The following SGCZ variants were observed in gnomAD, a reference collection of about 807,000 sequenced individuals.
SGCZ encodes the protein sarcoglycan zeta.
Under a neutral mutation model 41.3 loss-of-function variants are expected in SGCZ, and 40 were observed. That is an observed-to-expected ratio of 0.97 (90% CI 0.75 to 1.26). SGCZ has a LOEUF of 1.26. Among genes scored for constraint, SGCZ ranks in the 50% most tolerant of loss-of-function variants. The pLI is 0.00. For missense variants in SGCZ, 552 were observed against 369.8 expected (o/e 1.49, Z -4.04); for synonymous variants, 206 against 137.5 (o/e 1.50, Z -3.49).
chr8:14,491,949 G>T (rs1464424901), intron 2 of SGCZ, among the ~76,000 whole-genome samples: 1 of 146,078 alleles, frequency 6.8e-6, no homozygotes, highest in Non-Finnish European at 1.6e-5. Context: ...TAGTTACTCA[G>T]AAATTGTTCA....
At chr8:14,321,642 C>A (rs1441866989) in intron 3 of SGCZ, among the ~76,000 whole-genome samples, 1 of 152,026 alleles carries the variant, frequency 6.6e-6, no homozygotes, top group African/African-American at 2.4e-5. Flanking sequence ...ACATACACAA[C>A]CACACACAGA....
At chr8:14,281,980 T>C (rs112508093) in intron 3 of SGCZ, among the ~76,000 whole-genome samples, 11 of 152,274 alleles carry the variant, frequency 7.2e-5, no homozygotes, top group East Asian at 3.9e-4. Flanking sequence ...TTCTACAACA[T>C]TGATCTAACC....
At chr8:14,343,403 C>CTGT (rs1359872323) in intron 2 of SGCZ, among the ~76,000 whole-genome samples, 1 of 152,168 alleles carries the variant, frequency 6.6e-6, no homozygotes, top group Non-Finnish European at 1.5e-5. Flanking sequence ...ACATTTAATT[C>CTGT]CAGGTCTGTC....
chr8:14,311,247 C>G (rs1024679138), intron 3 of SGCZ, among the ~76,000 whole-genome samples: 8 of 152,086 alleles, frequency 5.3e-5, no homozygotes, highest in African/African-American at 1.7e-4. Flanking sequence ...TGTTTACATG[C>G]TCAGTTCCCA....
intron 1 of SGCZ, among the ~76,000 whole-genome samples, chr8:15,215,848 G>A (rs1477173066): frequency 6.6e-6 from 1 of 152,168 alleles, no homozygotes; most frequent in South Asian, 2.1e-4. Context: ...TTGGCAGCCT[G>A]TATGCAAACA....
chr8:15,172,153 T>G (rs268394), intron 1 of SGCZ, among the ~76,000 whole-genome samples: 14,852 of 108,762 alleles, frequency 0.14, 2,100 homozygotes, highest in African/African-American at 0.24. Flanking sequence ...TTTTATACTC[T>G]GTTTTTTTTT....
chr8:14,286,081 G>T (rs1365650), intron 3 of SGCZ, among the ~76,000 whole-genome samples: 31,736 of 150,626 alleles, frequency 0.21, 3,512 homozygotes, highest in East Asian at 0.29. Context: ...AATGTATTTT[G>T]TTTTTTTTCT....
chr8:14,635,445 C>A (rs896151103), intron 1 of SGCZ, among the ~76,000 whole-genome samples: 7 of 151,816 alleles, frequency 4.6e-5, no homozygotes, highest in Admixed American at 3.3e-4. Flanking sequence ...TGTATAAAGC[C>A]AAGTGTTATG....
chr8:14,899,928 G>T (rs1412772109), intron 1 of SGCZ, among the ~76,000 whole-genome samples: 1 of 152,130 alleles, frequency 6.6e-6, no homozygotes, highest in South Asian at 2.1e-4. Flanking sequence ...GAAGTGAGTA[G>T]CTGGTGACCT....
intron 1 of SGCZ, among the ~76,000 whole-genome samples, chr8:14,787,405 G>T (rs1457494350): frequency 1.3e-5 from 2 of 151,648 alleles, no homozygotes; most frequent in East Asian, 1.9e-4. Flanking sequence ...TATACTTATG[G>T]TATATTATTA....
intron 1 of SGCZ, among the ~76,000 whole-genome samples, chr8:15,035,304 A>C (rs1486206410): frequency 2.6e-5 from 4 of 152,258 alleles, no homozygotes; most frequent in Middle Eastern, 3.4e-3. Context: ...AAAATGCTTT[A>C]TATAAGCTTC....
intron 1 of SGCZ, among the ~76,000 whole-genome samples, chr8:15,212,577 G>A (rs568244801): frequency 1.6e-4 from 25 of 152,054 alleles, no homozygotes; most frequent in Admixed American, 7.2e-4. Context: ...TGAGAGCCTT[G>A]GCTACAGCTG....
chr8:14,281,150 T>G (rs1032725370), intron 3 of SGCZ, among the ~76,000 whole-genome samples: 1 of 151,786 alleles, frequency 6.6e-6, no homozygotes, highest in African/African-American at 2.4e-5. Context: ...TTTAAAAAAA[T>G]GAATGAATTC....
chr8:14,212,467 C>CAA (rs33947419), intron 4 of SGCZ, among the ~76,000 whole-genome samples: 1 of 97,944 alleles, frequency 1.0e-5, no homozygotes, highest in African/African-American at 3.8e-5. Context: ...ATGCAAAAGA[C>CAA]AAAAAAAAAA....
At chr8:14,820,592 A>C (rs1802045747) in intron 1 of SGCZ, among the ~76,000 whole-genome samples, 1 of 152,106 alleles carries the variant, frequency 6.6e-6, no homozygotes, top group African/African-American at 2.4e-5. Flanking sequence ...TACATGTTAG[A>C]TCACAAACGA....
At chr8:14,104,164 A>G (rs1001057433) in intron 6 of SGCZ, among the ~76,000 whole-genome samples, 1 of 152,144 alleles carries the variant, frequency 6.6e-6, no homozygotes, top group South Asian at 2.1e-4. Flanking sequence ...TATTGGTACT[A>G]CTTGTGGATT....
intron 1 of SGCZ, among the ~76,000 whole-genome samples, chr8:14,948,299 C>T (rs1800519871): frequency 6.6e-6 from 1 of 152,086 alleles, no homozygotes; most frequent in Non-Finnish European, 1.5e-5. Context: ...ACTGGGTATT[C>T]TCTCTCTCCT....
At chr8:15,132,419 A>G (rs890836396) in intron 1 of SGCZ, among the ~76,000 whole-genome samples, 9 of 152,326 alleles carry the variant, frequency 5.9e-5, no homozygotes, top group Non-Finnish European at 1.2e-4. Context: ...CTGTTCTTAC[A>G]GCCGCCATCA....
In SGCZ at chr8:14,808,963, A is replaced by C. The variant is rs539773906; in HGVS notation, c.40-254037T>G. On this transcript the variant is annotated intron_variant, in intron 1 of 7. Transcript: ENST00000382080. ...GATGAAATTGGAAATCATCATTCTC[A>C]GTAAACTATCGCAAGAACAAAAAAC... 7.6e-3 allele frequency among the ~76,000 whole-genome samples: 1,149 copies of C among 151,484 alleles called. 11 individuals are homozygous for C. Among genetic ancestry groups the C allele is most frequent in the African/African-American group, 0.027 (1,093 of 41,098 alleles).
Sources: allele counts gnomAD v4.1 joint callset (sites outside exome capture counted in the v4.1 genomes callset), GRCh38; gene constraint gnomAD v4.1.1; transcripts MANE v1.5; gene names NCBI Gene and HGNC (gene_info 2026-07-23, HGNC 2026-07-21).